MYOF: variants seen among roughly 807,000 people sequenced by gnomAD.
The protein encoded by MYOF is myoferlin.
Under a neutral mutation model 284.2 loss-of-function variants are expected in MYOF, and 244 were observed. The ratio of observed to expected loss-of-function variants is 0.86; its 90% CI spans 0.77 to 0.95. The LOEUF (loss-of-function observed/expected upper bound fraction) is 0.95. Ranked by LOEUF, MYOF falls within the 40% of genes least tolerant of loss-of-function variation. MYOF has a pLI of 0.00. For missense variants in MYOF, 2,496 were observed against 2,560.6 expected, an observed-to-expected ratio of 0.97 and a Z score of 0.54; for synonymous variants, 904 against 919.7, an observed-to-expected ratio of 0.98 and a Z score of 0.31.
At position 93,369,774 on chromosome 10, in the gene MYOF, A is replaced by G; in HGVS notation, c.2460T>C (p.Tyr820=). The G allele has an allele frequency of 1.2e-6, 2 of 1,614,168 alleles. No homozygotes were observed. Among genetic ancestry groups the G allele is most frequent in the South Asian group, 1.1e-5 (1 of 91,076 alleles). Residue 820 remains tyrosine (Y), a splice_region_variant and synonymous_variant, in exon 25 of 54, where the codon TAT becomes TAC. Transcript: ENST00000359263. The stretch of plus-strand genomic sequence containing the variant: ...TTGGCCCGTTGTTTTTCTCCTGTGG[A>G]TACTGTGAGATGAACAATAGCATGT... ...CGKTQTIFLK[Y]PQEKNNGPKV...
intron 25 of MYOF, among the ~76,000 whole-genome samples, chr10:93,369,112 T>C (rs796832239): frequency 5.7e-4 from 35 of 60,926 alleles, no homozygotes; most frequent in African/African-American, 1.5e-3. Flanking sequence ...TCAGACAGCT[T>C]TTTTTTTTTT....
intron 27 of MYOF, among the ~76,000 whole-genome samples, chr10:93,361,957 T>G (rs953090418): frequency 1.3e-5 from 2 of 152,164 alleles, no homozygotes; most frequent in African/African-American, 4.8e-5. Flanking sequence ...GTTGTTTGTT[T>G]CTTTGTTTTG....
At chr10:93,459,068 G>A (rs1057143122) in intron 1 of MYOF, among the ~76,000 whole-genome samples, 3 of 152,292 alleles carry the variant, frequency 2.0e-5, no homozygotes, top group South Asian at 4.1e-4. Flanking sequence ...TCAGCGTGAC[G>A]CTCCTCGTCG....
In MYOF at chr10:93,433,307, G is replaced by A. The variant is rs555375629; in HGVS notation, c.237-1791C>T. ...CGAGTAGCTGGGATTACAGGCATGC[G>A]CCACCAAGCCCAGCTCATTTTGTAT... On this transcript the variant is annotated intron_variant, in intron 3 of 53. Transcript: ENST00000359263. Among the ~76,000 whole-genome samples the A allele has an allele frequency of 3.2e-4, 48 of 152,176 alleles. 1 individual carries two copies. Among genetic ancestry groups the A allele is most frequent in the African/African-American group, 7.5e-4 (31 of 41,528 alleles).
intron 1 of MYOF, among the ~76,000 whole-genome samples, chr10:93,464,852 C>T (rs1564739627): frequency 1.3e-5 from 2 of 152,146 alleles, no homozygotes; most frequent in Non-Finnish European, 2.9e-5. Flanking sequence ...TAGGTTCAGC[C>T]AAGAGTCTAC....
At chr10:93,432,344 T>A (rs1848912680) in intron 3 of MYOF, among the ~76,000 whole-genome samples, 1 of 151,762 alleles carries the variant, frequency 6.6e-6, no homozygotes, top group African/African-American at 2.4e-5. Context: ...GCTATGATTG[T>A]ATCACTGTAC....
intron 5 of MYOF, among the ~76,000 whole-genome samples, chr10:93,424,444 T>C (rs1848493243): frequency 6.6e-6 from 1 of 152,052 alleles, no homozygotes. Flanking sequence ...CTGTGTTTCG[T>C]GGTTTTTTGT....
At position 93,313,171 on chromosome 10, in the gene MYOF, G is replaced by A. The variant is rs759301010; in HGVS notation, c.5738C>T (p.Ala1913Val). ...CAATCTGCATTTCTCTGGTGATTTT[G>A]CAGGAATGATCGTGTGACGCAAGTC... The part of the protein sequence containing the change: ...ELDLRHTIIP[A>V]KSPEKCRLDM... Residue 1913 changes from alanine (A) to valine (V), a missense_variant, in exon 51 of 54, where the codon GCA (alanine) becomes GTA (valine). Physicochemically the swap from Ala to Val is moderately conservative, Grantham distance 64. This residue lies in a region of MYOF where 2,436 missense variants were observed against 2,480.7 expected (regional missense o/e 0.98). Transcript: ENST00000359263. The A allele has an allele frequency of 8.1e-6, 13 of 1,613,838 alleles. No homozygotes were observed. In the South Asian group the frequency reaches 1.2e-4, roughly 15 times the overall value.
At chr10:93,444,896 A>C (rs1483523030) in intron 3 of MYOF, among the ~76,000 whole-genome samples, 6 of 152,180 alleles carry the variant, frequency 3.9e-5, no homozygotes, top group African/African-American at 1.4e-4. Flanking sequence ...CACCCCTCTG[A>C]GGCTCAAGTC....
At position 93,377,339 on chromosome 10, in the gene MYOF, C is replaced by T; in HGVS notation, c.2092G>A (p.Val698Ile). 1.2e-6 allele frequency: 2 copies of T among 1,613,914 alleles called. No individual in the cohort carries two copies. Among genetic ancestry groups the T allele is most frequent in the South Asian group, 1.1e-5 (1 of 91,068 alleles). ...AELWLKLIDE[V>I]IEDTRYTLPL... is the part of the protein sequence containing the mutation. The stretch of plus-strand genomic sequence containing the variant: ...TCACTGTACCTCGTGTCTTCTATAA[C>T]TTCATCTATCAGCTTCAGCCACAAT... Residue 698 changes from valine (V) to isoleucine (I), a missense_variant, in exon 22 of 54, where the codon GTT becomes ATT. Val to Ile is a conservative substitution (Grantham distance 29). Coordinates refer to ENST00000359263, the MANE Select transcript of MYOF (RefSeq NM_013451.4).
chr10:93,426,628 C>CCTGT (rs1848599080), intron 4 of MYOF, among the ~76,000 whole-genome samples: 1 of 152,180 alleles, frequency 6.6e-6, no homozygotes, highest in Non-Finnish European at 1.5e-5. Flanking sequence ...GTGGCTCATG[C>CCTGT]CTGTAATCCT....
At chr10:93,336,179 T>A in intron 40 of MYOF, 133 bp from the exon 41 acceptor site, 2 of 960,348 alleles carry the variant, frequency 2.1e-6, no homozygotes, top group Admixed American at 2.7e-5. Context: ...CTGGCGGGAG[T>A]GTAGACAGAT....
intron 21 of MYOF, among the ~76,000 whole-genome samples, chr10:93,378,482 AATG>A (rs1391219580): frequency 6.6e-6 from 1 of 151,930 alleles, no homozygotes; most frequent in African/African-American, 2.4e-5. Context: ...TATAACATAA[AATG>A]ATATTTCAGA....
At chr10:93,449,622 A>G (rs937702013) in intron 3 of MYOF, among the ~76,000 whole-genome samples, 1 of 152,150 alleles carries the variant, frequency 6.6e-6, no homozygotes, top group Non-Finnish European at 1.5e-5. Context: ...CCAGTGCAAG[A>G]GAGTGGGACC....
In MYOF at chr10:93,433,555, A is replaced by T. The variant is rs373759505; in HGVS notation, c.237-2039T>A. Among the ~76,000 whole-genome samples the T allele has an allele frequency of 1.4e-3, 210 of 152,378 alleles. 2 individuals carry two copies. Among genetic ancestry groups the T allele is most frequent in the African/African-American group, 5.0e-3 (206 of 41,592 alleles). The stretch of plus-strand genomic sequence containing the variant: ...AACATAGAAAATCATTAGCATAAAA[A>T]TAGAAAGCTAAACATTGAGTCCTTA... On this transcript the variant is annotated intron_variant, in intron 3 of 53. Coordinates refer to ENST00000359263, the MANE Select transcript of MYOF (RefSeq NM_013451.4).
At position 93,335,902 on chromosome 10, in the gene MYOF, C is replaced by T. The variant is rs778497724; in HGVS notation, c.4563+19G>A. 1 of 1,611,618 alleles carries T rather than the reference C, an allele frequency of 6.2e-7. No individual in the cohort carries two copies. Among genetic ancestry groups the T allele is most frequent in the Non-Finnish European group, 8.5e-7 (1 of 1,179,280 alleles). ...AATGAAGGTGGATTTTAAACGGGAC[C>T]AACACACATCTTACTCACCTTAAAC... On this transcript the variant is annotated intron_variant, in intron 41 of 53. Transcript: ENST00000359263.
At chr10:93,423,121 G>A (rs966406057) in intron 5 of MYOF, among the ~76,000 whole-genome samples, 2 of 152,064 alleles carry the variant, frequency 1.3e-5, no homozygotes, top group East Asian at 1.9e-4. Context: ...ATAAGGTTAC[G>A]GACCTTAAGA....
intron 1 of MYOF, among the ~76,000 whole-genome samples, chr10:93,460,966 GCAC>G (rs1169957067): frequency 6.7e-6 from 1 of 150,368 alleles, no homozygotes; most frequent in Non-Finnish European, 1.5e-5. Context: ...ATGGTGGTGG[GCAC>G]CTGTAATCCC....
intron 9 of MYOF, among the ~76,000 whole-genome samples, chr10:93,403,194 C>A (rs1443566677): frequency 1.3e-5 from 2 of 152,058 alleles, no homozygotes; most frequent in African/African-American, 4.8e-5. Context: ...CACTAAAGTC[C>A]CAGGCAAAGT....
Sources: gnomAD v4.1 joint callset for allele counts (sites outside exome capture counted in the v4.1 genomes callset) on GRCh38, gnomAD v4.1.1 for gene constraint, gnomAD v4.1.1 regional missense constraint, MANE v1.5 for transcripts, NCBI Gene and HGNC (gene_info 2026-07-23, HGNC 2026-07-21) for gene names.